The following UTP4 variants were observed in gnomAD, a reference collection of about 807,000 sequenced individuals.
The protein encoded by UTP4 is UTP4 small subunit processome component, also known as U3 small nucleolar RNA-associated protein 4 homolog.
UTP4 carries 45 observed loss-of-function variants against 82.4 expected under a neutral mutation model. The observed-to-expected ratio is 0.55, with a 90% CI of 0.43 to 0.70. The LOEUF is 0.70. UTP4 is among the 30% of genes least tolerant of loss of function. UTP4 has a pLI of 0.00. For synonymous variants in UTP4, 348 were observed against 300.3 expected (o/e 1.16, Z -1.64); for missense variants, 819 against 858.3 (o/e 0.95, Z 0.57).
At chr16:69,137,024 A>T (rs1327100523) in intron 3 of UTP4, 137 bp downstream of exon 3, 1 of 782,656 alleles carries the variant, frequency 1.3e-6, no homozygotes, top group Non-Finnish European at 2.3e-6. Context: ...ATTGATAGTG[A>T]AGATTTTAAA....
In UTP4 at chr16:69,150,871, C is replaced by T. The variant is rs148894405; in HGVS notation, c.969C>T (p.Tyr323=). The T allele has an allele frequency of 6.2e-4, 1,003 of 1,614,076 alleles. 6 individuals carry two copies. In the African/African-American group the frequency reaches 0.013, roughly 20 times the overall value. ...TGGAGAAGGTGGAAGTAAAGAATTACGATGCCGCTCTCCGAAAAATCACCT... is the reference window on the plus strand; with the variant it reads ...TGGAGAAGGTGGAAGTAAAGAATTATGATGCCGCTCTCCGAAAAATCACCT... ...PLMEKVEVKN[Y]DAALRKITFP... The change falls in exon 8 of 17, where the codon TAC becomes TAT. Residue 323 remains tyrosine (Y), a synonymous_variant. Transcript: ENST00000314423.
chr16:69,165,113 T>C (rs1317688707), intron 14 of UTP4, among the ~76,000 whole-genome samples: 1 of 151,364 alleles, frequency 6.6e-6, no homozygotes, highest in Non-Finnish European at 1.5e-5. Flanking sequence ...GAGAACGGCT[T>C]GAACCGGGGA....
At chr16:69,167,426 A>C in intron 16 of UTP4, 1 of 493,652 alleles carries the variant, frequency 2.0e-6, no homozygotes. Context: ...GTAGTGAGAA[A>C]TGTTGGCGCT....
Position 69,160,387 on chromosome 16 carries a change from C to T in UTP4, c.1476C>T (p.Val492=), listed in dbSNP as rs1368649312. 1.4e-5 allele frequency: 23 copies of T among 1,613,970 alleles called. No homozygotes were observed. In the Admixed American group the frequency reaches 2.8e-4, roughly 20 times the overall value. Residue 492 remains valine (V), a synonymous_variant, in exon 13 of 17, where the codon GTC becomes GTT. Coordinates refer to ENST00000314423, the MANE Select transcript of UTP4 (RefSeq NM_032830.3). Reference sequence around the variant, plus strand: ...TGGAGGCCATGTGTCTTTTGGCAGTCAGTCCAGATGGGAATTGGCTAGCTG... The same window carrying T: ...TGGAGGCCATGTGTCTTTTGGCAGTTAGTCCAGATGGGAATTGGCTAGCTG... ...GTVEAMCLLA[V]SPDGNWLAAS... is the part of the protein sequence containing the mutation.
At chr16:69,159,278 A>G (rs1963504093) in intron 12 of UTP4, among the ~76,000 whole-genome samples, 2 of 151,494 alleles carry the variant, frequency 1.3e-5, no homozygotes, top group African/African-American at 4.9e-5. Context: ...ATGGGGTTTC[A>G]CCATCTTGGC....
chr16:69,165,460 T>C lies in UTP4; in HGVS notation c.1767T>C (p.His589=). 1 of 1,614,124 alleles carries C rather than the reference T, an allele frequency of 6.2e-7. No homozygotes were observed. Among genetic ancestry groups the C allele is most frequent in the Non-Finnish European group, 8.5e-7 (1 of 1,179,990 alleles). The change falls in exon 15 of 17, where the codon CAT becomes CAC. Residue 589 remains histidine (H), a synonymous_variant. Coordinates refer to ENST00000314423, the MANE Select transcript of UTP4 (RefSeq NM_032830.3). ...CTCCTATCACACACATCAGTTTTCA[T>C]CCCAAGAGACCGATGCACATCCTTC... ...RDTPITHISF[H]PKRPMHILLH... is the part of the protein sequence containing the mutation.
chr16:69,168,578 A>G (rs1394869616), intron 16 of UTP4, among the ~76,000 whole-genome samples: 2 of 152,010 alleles, frequency 1.3e-5, no homozygotes, highest in Non-Finnish European at 2.9e-5. Context: ...GATCATGTCT[A>G]TGAATGACCA....
At chr16:69,152,345 G>C (rs978910892) in intron 8 of UTP4, among the ~76,000 whole-genome samples, 2 of 151,930 alleles carry the variant, frequency 1.3e-5, no homozygotes, top group Non-Finnish European at 2.9e-5. Flanking sequence ...CACTGCAGTG[G>C]TGTAATCTTG....
chr16:69,155,278 A>T (rs952164987), intron 10 of UTP4, among the ~76,000 whole-genome samples: 1 of 151,940 alleles, frequency 6.6e-6, no homozygotes, highest in Non-Finnish European at 1.5e-5. Flanking sequence ...GGCTCAGGTG[A>T]TCCTACCACT....
At chr16:69,161,185 G>A (rs148873552) in intron 13 of UTP4, among the ~76,000 whole-genome samples, 14 of 152,236 alleles carry the variant, frequency 9.2e-5, no homozygotes, top group South Asian at 6.2e-4. Context: ...TCAAAACTTC[G>A]AAAAAGGAAT....
rs569035042 is a variant in UTP4 at position 69,168,245 on chromosome 16, G to A, written c.1945-576G>A. On this transcript the variant is annotated intron_variant, in intron 16 of 16. Coordinates refer to ENST00000314423, the MANE Select transcript of UTP4 (RefSeq NM_032830.3). ...AGTTCAGGAGATCGAGACCATCCTG[G>A]CTAACACGGTGAAACCCCATCTCTA... Among the ~76,000 whole-genome samples the A allele has an allele frequency of 2.2e-4, 34 of 152,010 alleles. No individual in the cohort carries two copies. In the East Asian group the frequency reaches 5.2e-3, roughly 23 times the overall value.
intron 13 of UTP4, 91 bp from the exon 14 acceptor site, chr16:69,162,992 C>G: frequency 1.1e-6 from 1 of 950,722 alleles, no homozygotes; most frequent in Non-Finnish European, 1.7e-6. Flanking sequence ...TTATGAGGAG[C>G]AGTATTTAAA....
At chr16:69,160,287 T>C in intron 12 of UTP4, 69 bp from the exon 13 acceptor site, 1 of 1,224,996 alleles carries the variant, frequency 8.2e-7, no homozygotes, top group Non-Finnish European at 1.2e-6. Context: ...GCTTTTGCCA[T>C]CATCTCCAGG....
intron 10 of UTP4, among the ~76,000 whole-genome samples, chr16:69,155,330 T>C (rs1191744916): frequency 6.6e-6 from 1 of 151,972 alleles, no homozygotes; most frequent in Non-Finnish European, 1.5e-5. Context: ...TGCACCACCA[T>C]GCCCGGCTAA....
chr16:69,140,390 G>A (rs1962925992), intron 5 of UTP4, among the ~76,000 whole-genome samples: 1 of 152,108 alleles, frequency 6.6e-6, no homozygotes. Context: ...TTGTTAGGTG[G>A]ACATGTCTGT....
At chr16:69,133,921 C>T (rs1962730781) in intron 2 of UTP4, among the ~76,000 whole-genome samples, 1 of 152,156 alleles carries the variant, frequency 6.6e-6, no homozygotes, top group Non-Finnish European at 1.5e-5. Context: ...GTCTCAACAC[C>T]ATTGCAGCTT....
At chr16:69,133,881 G>C (rs769937492) in intron 2 of UTP4, among the ~76,000 whole-genome samples, 1 of 152,158 alleles carries the variant, frequency 6.6e-6, no homozygotes, top group African/African-American at 2.4e-5. Context: ...GGATCTTTTG[G>C]ACACAGGAAG....
rs1480563416 is a variant in UTP4, at chr16:69,132,935, C to T, written c.-3+246C>T. On this transcript the variant is annotated intron_variant, in intron 1 of 16. Transcript: ENST00000314423. ...GCGGGTTCCTAACCTTGAAGCTAGG[C>T]CAGTGAGGGGCGAACAAGACCTGGT... The T allele has an allele frequency of 3.4e-5, 7 of 203,862 alleles. No individual in the cohort carries two copies. In the South Asian group the frequency reaches 4.7e-4, roughly 14 times the overall value. 12.6% of individuals were successfully genotyped at this position (203,862 alleles called of 1,614,324 possible). A position where few individuals can be genotyped will look rare whatever the true frequency, so the allele number is the denominator to read the frequency against.
Position 69,160,359 on chromosome 16 carries a change from C to T in UTP4, c.1448C>T (p.Thr483Ile). The change falls in exon 13 of 17, where the codon ACA becomes ATA. Residue 483 changes from threonine (T) to isoleucine (I), a missense_variant. By Grantham distance (89) the Thr-to-Ile change is moderately conservative. Transcript: ENST00000314423. ...TGTAACTGTTTTGTCCTCACAGGAA[C>T]AGTGGAGGCCATGTGTCTTTTGGCA... The part of the protein sequence containing the change: ...HLHAFQPQSG[T>I]VEAMCLLAVS... 2.5e-6 allele frequency: 4 copies of T among 1,613,304 alleles called. No individual in the cohort carries two copies. Among genetic ancestry groups the T allele is most frequent in the Non-Finnish European group, 3.4e-6 (4 of 1,179,256 alleles).
Sources: allele counts gnomAD v4.1 joint callset (sites outside exome capture counted in the v4.1 genomes callset), GRCh38; gene constraint gnomAD v4.1.1; transcripts MANE v1.5; gene names NCBI Gene and HGNC (gene_info 2026-07-23, HGNC 2026-07-21).